Variants in CSMD2 observed in about 807,000 individuals in gnomAD.
CSMD2 encodes the protein CUB and Sushi multiple domains 2, also known as CUB and sushi domain-containing protein 2.
In CSMD2, 130 loss-of-function variants were observed where a neutral mutation model predicts 398.5. That is an observed-to-expected ratio of 0.33 (90% CI 0.28 to 0.38). The LOEUF (loss-of-function observed/expected upper bound fraction) is 0.38, where lower values mean the gene tolerates loss of function less well. Ranked by LOEUF, CSMD2 falls within the 10% of genes least tolerant of loss-of-function variation. CSMD2 has a pLI of 1.00. For missense variants in CSMD2, 3,829 were observed against 4,764.9 expected, an observed-to-expected ratio of 0.80 and a Z score of 5.78; for synonymous variants, 1,828 against 1,908.5, an observed-to-expected ratio of 0.96 and a Z score of 1.10.
At chr1:33,612,568 T>C (rs1277315461) in intron 40 of CSMD2, among the ~76,000 whole-genome samples, 2 of 152,252 alleles carry the variant, frequency 1.3e-5, no homozygotes, top group Non-Finnish European at 2.9e-5. Context: ...AAAAATATAG[T>C]TCATTCATTT....
chr1:34,161,374 A>G (rs1476823035), intron 1 of CSMD2, among the ~76,000 whole-genome samples: 1 of 152,220 alleles, frequency 6.6e-6, no homozygotes, highest in Admixed American at 6.5e-5. Flanking sequence ...TGTGGTAGTG[A>G]AAGGGTTGGG....
intron 29 of CSMD2, among the ~76,000 whole-genome samples, chr1:33,646,328 C>A (rs530039373): frequency 6.6e-6 from 1 of 152,194 alleles, no homozygotes; most frequent in South Asian, 2.1e-4. Context: ...AAGGAAGATA[C>A]CAGCTGATAG....
chr1:33,791,602 C>T (rs191949020), intron 11 of CSMD2, among the ~76,000 whole-genome samples: 17 of 152,336 alleles, frequency 1.1e-4, no homozygotes, highest in Admixed American at 4.6e-4. Flanking sequence ...CCTCCTGCCT[C>T]AGCCTCCTGA....
At chr1:33,994,002 G>T (rs1175132980) in intron 3 of CSMD2, among the ~76,000 whole-genome samples, 2 of 152,130 alleles carry the variant, frequency 1.3e-5, no homozygotes, top group African/African-American at 4.8e-5. Flanking sequence ...AATGAAAAAG[G>T]TCACGTTCTG....
At chr1:33,968,556 T>C (rs1645642773) in intron 3 of CSMD2, among the ~76,000 whole-genome samples, 2 of 152,226 alleles carry the variant, frequency 1.3e-5, no homozygotes, top group Non-Finnish European at 1.5e-5. Flanking sequence ...GGAGATGCCA[T>C]GTGGCAAGGA....
chr1:33,567,478 C>CGT, intron 53 of CSMD2, 115 bp downstream of exon 53: 1 of 465,120 alleles, frequency 2.1e-6, no homozygotes, highest in Admixed American at 4.9e-5. Context: ...AAATAGCAAT[C>CGT]ATATATATAT....
intron 60 of CSMD2, among the ~76,000 whole-genome samples, chr1:33,540,048 G>A (rs1656184172): frequency 6.6e-6 from 1 of 152,124 alleles, no homozygotes; most frequent in Admixed American, 6.5e-5. Context: ...TGCTTACTGG[G>A]GATCTCAGTA....
intron 64 of CSMD2, among the ~76,000 whole-genome samples, chr1:33,532,822 G>A (rs1655373639): frequency 6.6e-6 from 1 of 152,228 alleles, no homozygotes; most frequent in African/African-American, 2.4e-5. Flanking sequence ...GTGATCCTGT[G>A]AGTGTTTCAG....
intron 5 of CSMD2, among the ~76,000 whole-genome samples, chr1:33,890,570 T>C (rs967772572): frequency 6.6e-6 from 1 of 152,056 alleles, no homozygotes; most frequent in African/African-American, 2.4e-5. Context: ...GGCTCTTTTT[T>C]TCAGCCCGCA....
At chr1:34,076,544 G>C (rs865994478) in intron 2 of CSMD2, among the ~76,000 whole-genome samples, 2 of 152,258 alleles carry the variant, frequency 1.3e-5, no homozygotes, top group Middle Eastern at 3.4e-3. Flanking sequence ...TCCAGATGTG[G>C]CCAAATGTCC....
chr1:33,712,170 T>C (rs1295042851), intron 21 of CSMD2, among the ~76,000 whole-genome samples: 1 of 152,202 alleles, frequency 6.6e-6, no homozygotes, highest in African/African-American at 2.4e-5. Flanking sequence ...AGCCTGGGGC[T>C]TCTGAGGCAG....
intron 29 of CSMD2, among the ~76,000 whole-genome samples, chr1:33,641,340 T>C (rs1378107522): frequency 6.6e-6 from 1 of 152,234 alleles, no homozygotes; most frequent in African/African-American, 2.4e-5. Flanking sequence ...GAATATGTCT[T>C]GCATGTGCGT....
intron 15 of CSMD2, among the ~76,000 whole-genome samples, 175 bp downstream of exon 15, chr1:33,738,965 A>G (rs1646968964): frequency 6.6e-6 from 1 of 152,196 alleles, no homozygotes; most frequent in Non-Finnish European, 1.5e-5. Flanking sequence ...TCCTACGCAC[A>G]GTGGCCTTAT....
rs931685496 is a variant in CSMD2 at position 33,812,486 on chromosome 1, C to T, written c.1325-1622G>A. Among the ~76,000 whole-genome samples, 100 of 152,358 alleles carry T rather than the reference C, an allele frequency of 6.6e-4. 1 individual carries two copies. The highest frequency in any genetic ancestry group is 6.3e-3 in the Admixed American group (97 of 15,306). On this transcript the variant is annotated intron_variant, in intron 9 of 70. Coordinates refer to ENST00000373381, the MANE Select transcript of CSMD2 (RefSeq NM_001281956.2). ...CCATTCCCCCATGTATATCTGATTG[C>T]TCCTTTCATTCTGTACTGAGAAACA...
rs142908157 is a variant in CSMD2, at chr1:33,755,847, C to T, written c.1847-12241G>A. ...TTTTTTTTTAAGAGATGTGTGTGTGCGGGGGGAGGGGGGTCTCACTATGTT... is the reference window on the plus strand; with the variant it reads ...TTTTTTTTTAAGAGATGTGTGTGTGTGGGGGGAGGGGGGTCTCACTATGTT... On this transcript the variant is annotated intron_variant, in intron 13 of 70. Coordinates refer to ENST00000373381, the MANE Select transcript of CSMD2 (RefSeq NM_001281956.2). 8.1e-3 allele frequency among the ~76,000 whole-genome samples: 1,217 copies of T among 149,392 alleles called. 18 individuals carry two copies. Among genetic ancestry groups the T allele is most frequent in the African/African-American group, 0.026 (1,044 of 39,420 alleles).
At chr1:33,524,707 C>A (rs201667689) in intron 66 of CSMD2, among the ~76,000 whole-genome samples, 175 bp downstream of exon 66, 1 of 152,186 alleles carries the variant, frequency 6.6e-6, no homozygotes, top group East Asian at 1.9e-4. Context: ...TTAAACATTT[C>A]CCTTTAGTCC....
chr1:34,110,040 C>CA (rs57314887), intron 1 of CSMD2, among the ~76,000 whole-genome samples: 37,978 of 63,476 alleles, frequency 0.6, 13,123 homozygotes, highest in East Asian at 0.76. Context: ...GACTCTGTCT[C>CA]AAAAAAAAAA....
At chr1:34,132,726 G>C (rs1663490925) in intron 1 of CSMD2, among the ~76,000 whole-genome samples, 1 of 152,158 alleles carries the variant, frequency 6.6e-6, no homozygotes, top group Non-Finnish European at 1.5e-5. Context: ...ATATTCCCCT[G>C]CCATAAGATA....
intron 4 of CSMD2, among the ~76,000 whole-genome samples, chr1:33,925,863 C>A (rs1030361963): frequency 1.3e-5 from 2 of 152,080 alleles, no homozygotes; most frequent in African/African-American, 4.8e-5. Context: ...CTAAGCATTG[C>A]CTTGCTCCAG....
Sources: gnomAD v4.1 joint callset for allele counts (sites outside exome capture counted in the v4.1 genomes callset) on GRCh38, gnomAD v4.1.1 for gene constraint, MANE v1.5 for transcripts, NCBI Gene and HGNC (gene_info 2026-07-23, HGNC 2026-07-21) for gene names.